The following TMEM236 variants were observed in gnomAD, a reference collection of about 807,000 sequenced individuals.
The protein encoded by TMEM236 is transmembrane protein 236.
In TMEM236, 11 loss-of-function variants were observed where a neutral mutation model predicts 14.7. The ratio of observed to expected loss-of-function variants is 0.75; its 90% CI spans 0.47 to 1.24. The LOEUF (loss-of-function observed/expected upper bound fraction) is 1.24, where lower values mean the gene tolerates loss of function less well. TMEM236 is among the 50% of genes most tolerant of loss of function. TMEM236 has a pLI of 0.00. For synonymous variants in TMEM236, 182 were observed against 168.6 expected (o/e 1.08, Z -0.62); for missense variants, 464 against 427.3 (o/e 1.09, Z -0.76).
Position 17,798,830 on chromosome 10 carries a change from C to T in TMEM236, c.*2326C>T. 5.1e-6 allele frequency: 2 copies of T among 390,770 alleles called. No individual in the cohort carries two copies. The highest frequency in any genetic ancestry group is 1.0e-5 in the Non-Finnish European group (2 of 194,210). The allele number at this position is 390,770 out of a possible 1,614,324, so 24.2% of individuals were successfully genotyped here. A position where few individuals can be genotyped will look rare whatever the true frequency, so the allele number is the denominator to read the frequency against. On this transcript the variant is annotated 3_prime_UTR_variant, in exon 4 of 4. Coordinates refer to ENST00000377495, the MANE Select transcript of TMEM236 (RefSeq NM_001098844.3). ...TCCTTTGAGCACATTTTCTGGCAAACCATAATAACTTGATAAATGCTAAGC... is the reference window on the plus strand; with the variant it reads ...TCCTTTGAGCACATTTTCTGGCAAATCATAATAACTTGATAAATGCTAAGC...
intron 3 of TMEM236, among the ~76,000 whole-genome samples, chr10:17,782,904 G>C (rs1046956682): frequency 4.6e-5 from 7 of 152,142 alleles, no homozygotes; most frequent in Non-Finnish European, 8.8e-5. Context: ...GCTGTTATGA[G>C]TCTCATTCAG....
chr10:17,770,670 A>G (rs1168486421), intron 1 of TMEM236, among the ~76,000 whole-genome samples: 5 of 152,352 alleles, frequency 3.3e-5, no homozygotes, highest in African/African-American at 1.2e-4. Flanking sequence ...GGCGTGAGCC[A>G]CCGTGCCCGG....
intron 3 of TMEM236, among the ~76,000 whole-genome samples, chr10:17,795,119 C>T (rs1401650795): frequency 2.0e-5 from 3 of 152,132 alleles, no homozygotes; most frequent in Non-Finnish European, 4.4e-5. Context: ...TCTCTGTAAG[C>T]CTCTTCTTAC....
At chr10:17,760,285 T>G (rs1290001881) in intron 1 of TMEM236, among the ~76,000 whole-genome samples, 1 of 152,204 alleles carries the variant, frequency 6.6e-6, no homozygotes, top group African/African-American at 2.4e-5. Flanking sequence ...TTATTGACTA[T>G]TTGTATTTTC....
chr10:17,780,223 G>A (rs1837724734), intron 3 of TMEM236, among the ~76,000 whole-genome samples: 1 of 152,026 alleles, frequency 6.6e-6, no homozygotes, highest in Non-Finnish European at 1.5e-5. Context: ...TTCTCCATGG[G>A]GGTCTCATAG....
chr10:17,778,259 T>G (rs1454621615), intron 3 of TMEM236, among the ~76,000 whole-genome samples: 1 of 152,172 alleles, frequency 6.6e-6, no homozygotes, highest in Non-Finnish European at 1.5e-5. Context: ...GTTTAATAAA[T>G]TCACACTTAA....
At chr10:17,770,492 T>C (rs377348019) in intron 1 of TMEM236, among the ~76,000 whole-genome samples, 8,268 of 152,284 alleles carry the variant, frequency 0.054, 305 homozygotes, top group Non-Finnish European at 0.081. Context: ...CACGCCGTTC[T>C]CCTGCCTCAG....
At chr10:17,768,073 G>A (rs982342329) in intron 1 of TMEM236, among the ~76,000 whole-genome samples, 1,741 of 128,898 alleles carry the variant, frequency 0.014, 42 homozygotes, top group African/African-American at 0.056. Context: ...ACCACACCTC[G>A]CTAATTTTTG....
intron 3 of TMEM236, among the ~76,000 whole-genome samples, chr10:17,791,555 A>C (rs1168525262): frequency 6.6e-6 from 1 of 152,140 alleles, no homozygotes. Flanking sequence ...GATACGTACA[A>C]AGTTCTTAAT....
At position 17,799,038 on chromosome 10, in the gene TMEM236, A is replaced by G. The variant is rs1286563446; in HGVS notation, c.*2534A>G. On this transcript the variant is annotated 3_prime_UTR_variant, in exon 4 of 4. Coordinates refer to ENST00000377495, the MANE Select transcript of TMEM236 (RefSeq NM_001098844.3). ...AGACTATACTTTTTCATCGAGGAGTATTGTATTCAAAAGTGATCGATCTGC... is the reference window on the plus strand; with the variant it reads ...AGACTATACTTTTTCATCGAGGAGTGTTGTATTCAAAAGTGATCGATCTGC... 4.0e-6 allele frequency: 1 copy of G among 249,134 alleles called. No homozygotes were observed. Among genetic ancestry groups the G allele is most frequent in the Non-Finnish European group, 7.9e-6 (1 of 127,008 alleles). The allele number at this position is 249,134 out of a possible 1,614,324, so 15.4% of individuals were successfully genotyped here. A position where few individuals can be genotyped will look rare whatever the true frequency, so the allele number is the denominator to read the frequency against.
chr10:17,774,132 C>T (rs1331429044), intron 2 of TMEM236, among the ~76,000 whole-genome samples: 1 of 152,274 alleles, frequency 6.6e-6, no homozygotes, highest in East Asian at 1.9e-4. Context: ...GCAACCTCCA[C>T]CTTCTGGGTT....
intron 1 of TMEM236, among the ~76,000 whole-genome samples, chr10:17,757,230 T>G (rs1042312677): frequency 1.3e-5 from 2 of 152,200 alleles, no homozygotes; most frequent in Non-Finnish European, 2.9e-5. Flanking sequence ...CTCAGCGAAG[T>G]GTACATGCTA....
intron 3 of TMEM236, among the ~76,000 whole-genome samples, chr10:17,777,033 T>C (rs1312047659): frequency 6.6e-6 from 1 of 152,148 alleles, no homozygotes; most frequent in Non-Finnish European, 1.5e-5. Context: ...GTTTGTCAGG[T>C]TGTTTTCTGA....
chr10:17,783,454 G>T (rs1042970109), intron 3 of TMEM236, among the ~76,000 whole-genome samples: 1 of 152,158 alleles, frequency 6.6e-6, no homozygotes, highest in Admixed American at 6.5e-5. Flanking sequence ...AGCGAGAGGT[G>T]CCCGGTATGA....
At chr10:17,786,938 G>A (rs1014492775) in intron 3 of TMEM236, among the ~76,000 whole-genome samples, 13,366 of 152,142 alleles carry the variant, frequency 0.088, 632 homozygotes, top group Non-Finnish European at 0.1. Context: ...GTTTATCAGG[G>A]GTTTCCGCTT....
intron 1 of TMEM236, among the ~76,000 whole-genome samples, chr10:17,760,120 G>C (rs1837338610): frequency 6.6e-6 from 1 of 151,428 alleles, no homozygotes. Flanking sequence ...GGGCTAACCT[G>C]AAGGAAATGG....
intron 1 of TMEM236, among the ~76,000 whole-genome samples, chr10:17,765,334 G>A (rs1344757951): frequency 1.3e-5 from 2 of 151,994 alleles, no homozygotes; most frequent in Non-Finnish European, 2.9e-5. Context: ...ATGTTCTTTT[G>A]GTGTGCAAAA....
intron 2 of TMEM236, among the ~76,000 whole-genome samples, chr10:17,773,012 G>A (rs1156367495): frequency 2.6e-5 from 4 of 152,074 alleles, no homozygotes; most frequent in Admixed American, 6.6e-5. Flanking sequence ...AAGCTCATTC[G>A]TTTTCAGCTG....
chr10:17,762,591 A>G (rs1409591281), intron 1 of TMEM236, among the ~76,000 whole-genome samples: 5 of 70,990 alleles, frequency 7.0e-5, no homozygotes, highest in African/African-American at 4.2e-4. Flanking sequence ...ATATATATAT[A>G]TATATATATA....
Sources: allele counts gnomAD v4.1 joint callset (sites outside exome capture counted in the v4.1 genomes callset), GRCh38; gene constraint gnomAD v4.1.1; transcripts MANE v1.5; gene names NCBI Gene and HGNC (gene_info 2026-07-23, HGNC 2026-07-21).